LIMCH1: variants seen among roughly 807,000 people sequenced by gnomAD.
The protein encoded by LIMCH1 is LIM and calponin homology domains-containing protein 1.
Under a neutral mutation model 176.5 loss-of-function variants are expected in LIMCH1, and 113 were observed. The observed-to-expected ratio is 0.64, with a 90% confidence interval of 0.55 to 0.75. LIMCH1 has a LOEUF of 0.75. Ranked by LOEUF, LIMCH1 falls within the 30% of genes least tolerant of loss-of-function variation. LIMCH1 has a pLI of 0.00. For synonymous variants in LIMCH1, 619 were observed against 645.9 expected (o/e 0.96, Z 0.63); for missense variants, 1,674 against 1,814.9 (o/e 0.92, Z 1.41).
At chr4:41,465,954 C>CTTTTTTT (rs34784602) in intron 1 of LIMCH1, among the ~76,000 whole-genome samples, 2 of 108,280 alleles carry the variant, frequency 1.8e-5, no homozygotes, top group Non-Finnish European at 1.8e-5. Context: ...CTGTTTGGCT[C>CTTTTTTT]TTTTTTTTTT....
In LIMCH1 at chr4:41,419,608, T is replaced by TTCCTCCTTCCTTCCTTCCG. The variant is rs1554039897; in HGVS notation, c.96+58676_96+58677insCCTTCCTTCCTTCCGTCCT. 5.6e-5 allele frequency among the ~76,000 whole-genome samples: 3 copies of TTCCTCCTTCCTTCCTTCCG among 53,550 alleles called. No homozygotes were observed. The African/African-American group carries it at 5.6e-4, about 10-fold the overall frequency. 35.1% of individuals were successfully genotyped at this position (53,550 alleles called of 152,430 possible). A position where few individuals can be genotyped will look rare whatever the true frequency, so the allele number is the denominator to read the frequency against. Reference sequence around the variant, plus strand: ...CTTCCTTCCTTCCTTCCTTCCGTCCTTCCTTCCTTCCTTCCTTCCTTCCTT... The same window carrying TTCCTCCTTCCTTCCTTCCG: ...CTTCCTTCCTTCCTTCCTTCCGTCCTTCCTCCTTCCTTCCTTCCGTCCTTCCTTCCTTCCTTCCTTCCTT... On this transcript the variant is annotated intron_variant, in intron 1 of 26. Transcript: ENST00000313860.
chr4:41,547,691 T>C (rs1340749824), intron 1 of LIMCH1, among the ~76,000 whole-genome samples: 1 of 146,208 alleles, frequency 6.8e-6, no homozygotes, highest in Non-Finnish European at 1.5e-5. Context: ...ATGTATGTTA[T>C]ATATACATAT....
At chr4:41,501,115 C>A (rs1243404381) in intron 2 of LIMCH1, among the ~76,000 whole-genome samples, 5 of 152,118 alleles carry the variant, frequency 3.3e-5, no homozygotes, top group Non-Finnish European at 5.9e-5. Context: ...ACAAGAAAGA[C>A]CATTAATGGC....
chr4:41,656,665 G>A (rs2094472123), intron 18 of LIMCH1, among the ~76,000 whole-genome samples: 1 of 152,202 alleles, frequency 6.6e-6, no homozygotes, highest in African/African-American at 2.4e-5. Flanking sequence ...CACAGCATAT[G>A]TGGCACCTGG....
chr4:41,372,997 A>G (rs924788839), intron 1 of LIMCH1, among the ~76,000 whole-genome samples: 1 of 152,180 alleles, frequency 6.6e-6, no homozygotes, highest in African/African-American at 2.4e-5. Context: ...TCATATAGTT[A>G]TTGAGCGTGT....
intron 31 of LIMCH1, among the ~76,000 whole-genome samples, chr4:41,694,572 T>C (rs1728965512): frequency 6.6e-6 from 1 of 152,168 alleles, no homozygotes; most frequent in Admixed American, 6.5e-5. Context: ...ACATGTTGTG[T>C]CTCCTTTTTC....
At chr4:41,579,541 C>A (rs372732924) in intron 1 of LIMCH1, among the ~76,000 whole-genome samples, 2 of 152,192 alleles carry the variant, frequency 1.3e-5, no homozygotes, top group African/African-American at 4.8e-5. Context: ...GGCGTACAGA[C>A]GGTCATCGTT....
intron 1 of LIMCH1, among the ~76,000 whole-genome samples, chr4:41,576,989 TA>T (rs895231958): frequency 6.6e-6 from 1 of 152,062 alleles, no homozygotes; most frequent in Non-Finnish European, 1.5e-5. Flanking sequence ...CAAATGCAGA[TA>T]AAAAAATACA....
intron 2 of LIMCH1, among the ~76,000 whole-genome samples, chr4:41,501,105 A>G (rs1476764065): frequency 6.6e-6 from 1 of 152,222 alleles, no homozygotes; most frequent in Non-Finnish European, 1.5e-5. Flanking sequence ...AGAACTCTGC[A>G]CAAGAAAGAC....
intron 1 of LIMCH1, among the ~76,000 whole-genome samples, chr4:41,470,862 G>T (rs13147083): frequency 0.36 from 54,225 of 151,376 alleles, 10,122 homozygotes; most frequent in African/African-American, 0.46. Context: ...TGTCTCTATT[G>T]TCTAGGGCCT....
chr4:41,441,967 CTTGGG>C (rs551231031), intron 1 of LIMCH1, among the ~76,000 whole-genome samples: 41 of 152,038 alleles, frequency 2.7e-4, no homozygotes, highest in African/African-American at 9.4e-4. Context: ...TCCCTAAACT[CTTGGG>C]TTAGTGGGAA....
intron 1 of LIMCH1, among the ~76,000 whole-genome samples, chr4:41,558,157 C>T (rs1205366686): frequency 6.6e-6 from 1 of 151,970 alleles, no homozygotes; most frequent in Non-Finnish European, 1.5e-5. Context: ...ACGGTGTGTG[C>T]TGTGCTTTTA....
At chr4:41,399,896 A>G (rs1248741982) in intron 1 of LIMCH1, among the ~76,000 whole-genome samples, 2 of 135,196 alleles carry the variant, frequency 1.5e-5, no homozygotes, top group Non-Finnish European at 3.1e-5. Flanking sequence ...GTTGGCCAGG[A>G]TGGTCTTGAT....
chr4:41,649,992 A>G (rs899009655), intron 17 of LIMCH1, among the ~76,000 whole-genome samples: 1 of 152,222 alleles, frequency 6.6e-6, no homozygotes, highest in African/African-American at 2.4e-5. Context: ...GTTCCGCCTC[A>G]TTTATATGCT....
At chr4:41,473,339 C>A in intron 1 of LIMCH1, 1 of 222,458 alleles carries the variant, frequency 4.5e-6, no homozygotes, top group Non-Finnish European at 7.6e-6. Flanking sequence ...GAGACCCAGG[C>A]AGCAGGCAGC....
chr4:41,638,934 A>G lies in LIMCH1; in HGVS notation c.2093A>G (p.Tyr698Cys). Residue 698 changes from tyrosine to cysteine, a missense_variant and splice_region_variant, in exon 14 of 32, where the codon TAC (tyrosine) becomes TGC (cysteine). Coordinates refer to ENST00000503057, the MANE Select transcript of LIMCH1 (RefSeq NM_001330672.2). The stretch of plus-strand genomic sequence containing the variant: ...TAATTTTTTATTTGATCTTATAGAT[A>G]CGGTCCGAGAACTCCTGTGTCTGAT... ...SKGLPMKDQRYGPRTPVSDDA... is the reference protein window; with the variant it reads ...SKGLPMKDQRCGPRTPVSDDA... 6.2e-7 allele frequency: 1 copy of G among 1,605,746 alleles called. No homozygotes were observed. The highest frequency in any genetic ancestry group is 8.5e-7 in the Non-Finnish European group (1 of 1,177,284).
intron 5 of LIMCH1, 136 bp from the exon 6 acceptor site, chr4:41,619,052 T>A: frequency 9.5e-7 from 1 of 1,052,836 alleles, no homozygotes; most frequent in Non-Finnish European, 1.4e-6. Flanking sequence ...ATCTACACTT[T>A]AGATTTGTTA....
Position 41,426,102 on chromosome 4 carries a change from A to G in LIMCH1, c.96+65166A>G, listed in dbSNP as rs2061066584. ...AGTGGCGGGATCTCGGCTCACTGCA[A>G]GTTCCGCCTCCCGGGTTCACGCCAT... On this transcript the variant is annotated intron_variant, in intron 1 of 26. Transcript: ENST00000313860. 2.7e-5 allele frequency among the ~76,000 whole-genome samples: 4 copies of G among 145,956 alleles called. No individual in the cohort carries two copies. In the South Asian group the frequency reaches 8.6e-4, roughly 31 times the overall value.
intron 1 of LIMCH1, among the ~76,000 whole-genome samples, chr4:41,387,651 A>G (rs929781636): frequency 1.3e-5 from 2 of 152,240 alleles, no homozygotes; most frequent in African/African-American, 4.8e-5. Flanking sequence ...TGATGAAGGC[A>G]TGGTTTTATT....
Sources: allele counts gnomAD v4.1 joint callset (sites outside exome capture counted in the v4.1 genomes callset), GRCh38; gene constraint gnomAD v4.1.1; transcripts MANE v1.5; gene names NCBI Gene and HGNC (gene_info 2026-07-23, HGNC 2026-07-21).